CREB5: variants seen among roughly 807,000 people sequenced by gnomAD.
The protein encoded by CREB5 is cAMP responsive element binding protein 5.
Under a neutral mutation model 57.1 loss-of-function variants are expected in CREB5, and 19 were observed. The ratio of observed to expected loss-of-function variants is 0.33; its 90% confidence interval spans 0.23 to 0.49. The LOEUF (loss-of-function observed/expected upper bound fraction) is 0.49. CREB5 is among the 20% of genes least tolerant of loss of function. The probability of loss-of-function intolerance (pLI) is 0.99; values close to 1 mark genes in which losing one functional copy is unlikely to be tolerated. For missense variants in CREB5, 579 were observed against 671.6 expected (o/e 0.86, Z 1.52); for synonymous variants, 238 against 238.3 (o/e 1.00, Z 0.01).
At chr7:28,415,759 T>G (rs1402416549) in intron 1 of CREB5, among the ~76,000 whole-genome samples, 1 of 152,174 alleles carries the variant, frequency 6.6e-6, no homozygotes, top group Non-Finnish European at 1.5e-5. Context: ...ACCTGTCTTT[T>G]CTCTATTATC....
intron 5 of CREB5, among the ~76,000 whole-genome samples, chr7:28,582,379 A>G (rs989418788): frequency 2.6e-5 from 4 of 152,114 alleles, no homozygotes; most frequent in Non-Finnish European, 5.9e-5. Context: ...GGGGAACCAC[A>G]TTTTTACTAA....
chr7:28,712,505 C>CA (rs1276322556), intron 5 of CREB5, among the ~76,000 whole-genome samples: 12,871 of 72,894 alleles, frequency 0.18, 797 homozygotes, highest in Admixed American at 0.3. Flanking sequence ...TGAAACTCCT[C>CA]AAAAAAAAAA....
At chr7:28,591,263 T>C (rs936850711) in intron 5 of CREB5, among the ~76,000 whole-genome samples, 14 of 152,172 alleles carry the variant, frequency 9.2e-5, no homozygotes, top group African/African-American at 2.7e-4. Flanking sequence ...GAGTGATTTA[T>C]TTTTCACCCA....
At position 28,412,867 on chromosome 7, in the gene CREB5, T is replaced by C. The variant is rs1199182073; in HGVS notation, c.-48T>C. 4 of 1,455,042 alleles carry C rather than the reference T, an allele frequency of 2.7e-6. No homozygotes were observed. The highest frequency in any genetic ancestry group is 1.8e-4 in the Middle Eastern group (1 of 5,420). 90.1% of individuals were successfully genotyped at this position (1,455,042 alleles called of 1,614,324 possible). A position where few individuals can be genotyped will look rare whatever the true frequency, so the allele number is the denominator to read the frequency against. Reference sequence around the variant, plus strand: ...AGAAAGAAAGGAAGAAAAAACTTGATTTGGTGACTGCAGGAAGCAACACGT... The same window carrying C: ...AGAAAGAAAGGAAGAAAAAACTTGACTTGGTGACTGCAGGAAGCAACACGT... On this transcript the variant is annotated 5_prime_UTR_variant, in exon 1 of 11. Coordinates refer to ENST00000357727, the MANE Select transcript of CREB5 (RefSeq NM_182898.4).
intron 7 of CREB5, among the ~76,000 whole-genome samples, chr7:28,799,864 G>A (rs1808263762): frequency 6.6e-6 from 1 of 152,130 alleles, no homozygotes; most frequent in Non-Finnish European, 1.5e-5. Flanking sequence ...TGCTAACCTT[G>A]GTTGACTAAT....
At chr7:28,680,459 A>G (rs979593508) in intron 5 of CREB5, among the ~76,000 whole-genome samples, 1 of 152,060 alleles carries the variant, frequency 6.6e-6, no homozygotes, top group Non-Finnish European at 1.5e-5. Context: ...TTTACCCACA[A>G]AAGTTTGGAC....
chr7:28,560,442 T>C (rs1479482297), intron 4 of CREB5, among the ~76,000 whole-genome samples: 1 of 152,092 alleles, frequency 6.6e-6, no homozygotes, highest in African/African-American at 2.4e-5. Flanking sequence ...GTTTCAGAGC[T>C]GGAGAGTAGC....
At chr7:28,622,803 T>C (rs1040359887) in intron 5 of CREB5, among the ~76,000 whole-genome samples, 3 of 151,800 alleles carry the variant, frequency 2.0e-5, no homozygotes, top group Admixed American at 6.6e-5. Flanking sequence ...AAAGGATCAC[T>C]TCAGCCCATG....
At chr7:28,494,341 T>C (rs1791926742) in intron 2 of CREB5, among the ~76,000 whole-genome samples, 2 of 152,230 alleles carry the variant, frequency 1.3e-5, no homozygotes, top group African/African-American at 4.8e-5. Flanking sequence ...TGTAAAATGC[T>C]GCCTACTTAG....
chr7:28,602,640 T>C (rs1796965541), intron 5 of CREB5, among the ~76,000 whole-genome samples: 1 of 152,224 alleles, frequency 6.6e-6, no homozygotes, highest in Non-Finnish European at 1.5e-5. Flanking sequence ...ATTTCATTTA[T>C]ATAACATTCT....
chr7:28,618,940 A>G (rs1482719755), intron 5 of CREB5, among the ~76,000 whole-genome samples: 1 of 152,234 alleles, frequency 6.6e-6, no homozygotes, highest in Non-Finnish European at 1.5e-5. Flanking sequence ...GAATTTTATG[A>G]TTTATAAAGA....
At chr7:28,617,324 G>A (rs571913900) in intron 5 of CREB5, among the ~76,000 whole-genome samples, 105 of 152,220 alleles carry the variant, frequency 6.9e-4, no homozygotes, top group Middle Eastern at 3.4e-3. Context: ...TTTTTTACCC[G>A]TGCAACTGAT....
At chr7:28,556,066 C>T (rs1052521173) in intron 4 of CREB5, among the ~76,000 whole-genome samples, 4 of 152,108 alleles carry the variant, frequency 2.6e-5, no homozygotes, top group East Asian at 3.9e-4. Flanking sequence ...CTGACATTAG[C>T]GCTTCTGCTT....
At chr7:28,513,480 C>T (rs1792804743) in intron 4 of CREB5, 1 of 150,754 alleles carries the variant, frequency 6.6e-6, no homozygotes, top group Non-Finnish European at 1.5e-5. Flanking sequence ...TGAAAGGAAA[C>T]ACTCATTGAC....
intron 4 of CREB5, among the ~76,000 whole-genome samples, chr7:28,558,368 C>T (rs895415912): frequency 2.0e-5 from 3 of 152,232 alleles, no homozygotes; most frequent in Admixed American, 6.5e-5. Context: ...CAGTAACTTA[C>T]ATTTGCAAGT....
At chr7:28,815,146 GTC>G (rs1562660570) in intron 9 of CREB5, among the ~76,000 whole-genome samples, 1 of 152,116 alleles carries the variant, frequency 6.6e-6, no homozygotes, top group East Asian at 1.9e-4. Context: ...TGTGGCACAT[GTC>G]TCTAGTCCCT....
chr7:28,499,434 G>A (rs1315022320), intron 3 of CREB5, among the ~76,000 whole-genome samples: 1 of 152,112 alleles, frequency 6.6e-6, no homozygotes, highest in African/African-American at 2.4e-5. Context: ...GTGTGTGTGT[G>A]TGACCTAATA....
At chr7:28,683,688 GC>G (rs1800712758) in intron 5 of CREB5, among the ~76,000 whole-genome samples, 1 of 152,116 alleles carries the variant, frequency 6.6e-6, no homozygotes, top group Non-Finnish European at 1.5e-5. Context: ...TGAGATCCGT[GC>G]CCGGCATTGG....
At chr7:28,405,872 G>A (rs1337815548) in intron 1 of CREB5, among the ~76,000 whole-genome samples, 2 of 152,242 alleles carry the variant, frequency 1.3e-5, no homozygotes, top group East Asian at 1.9e-4. Context: ...GTGGTAGGTG[G>A]GGAGTTCCCC....
Sources: allele counts gnomAD v4.1 joint callset (sites outside exome capture counted in the v4.1 genomes callset), GRCh38; gene constraint gnomAD v4.1.1; transcripts MANE v1.5; gene names NCBI Gene and HGNC (gene_info 2026-07-23, HGNC 2026-07-21).